The following NBEAL1 variants were observed in gnomAD, a reference collection of about 807,000 sequenced individuals.
The protein encoded by NBEAL1 is neurobeachin like 1.
In NBEAL1, 273 loss-of-function variants were observed where a neutral mutation model predicts 351.3. The ratio of observed to expected loss-of-function variants is 0.78; its 90% confidence interval spans 0.70 to 0.86. The LOEUF (loss-of-function observed/expected upper bound fraction) is 0.86. NBEAL1 is among the 40% of genes least tolerant of loss of function. The pLI is 0.00. For missense variants in NBEAL1, 2,961 were observed against 3,201.3 expected (o/e 0.92, Z 1.81); for synonymous variants, 1,050 against 1,086.4 (o/e 0.97, Z 0.66).
chr2:203,090,482 A>C (rs2062042098), intron 10 of NBEAL1, among the ~76,000 whole-genome samples: 2 of 152,106 alleles, frequency 1.3e-5, no homozygotes, highest in African/African-American at 4.8e-5. Context: ...GGTAAAGCTT[A>C]TTTTTTCATT....
chr2:203,076,666 A>G (rs2061780090), intron 7 of NBEAL1, among the ~76,000 whole-genome samples: 1 of 139,968 alleles, frequency 7.1e-6, no homozygotes, highest in African/African-American at 2.7e-5. Context: ...ATCTCAGCTC[A>G]CTGCAACCTC....
chr2:203,223,422 G>A lies in NBEAL1; in HGVS notation c.*6068G>A, dbSNP rs2065970678. Among the ~76,000 whole-genome samples the A allele has an allele frequency of 6.6e-6, 1 of 152,014 alleles. No individual in the cohort carries two copies. The highest frequency in any genetic ancestry group is 6.6e-5 in the Admixed American group (1 of 15,250). ...TTTTTCAAACTTGACTGTTAGTGGA[G>A]GGGTATATGTGTGTCTGTGTTTCCA... On this transcript the variant is annotated 3_prime_UTR_variant, in exon 56 of 56. Coordinates refer to ENST00000683969, the MANE Select transcript of NBEAL1 (RefSeq NM_001378026.1).
At chr2:203,145,587 G>A (rs1462351724) in intron 33 of NBEAL1, among the ~76,000 whole-genome samples, 1 of 152,012 alleles carries the variant, frequency 6.6e-6, no homozygotes, top group Non-Finnish European at 1.5e-5. Flanking sequence ...CACCTGAGAT[G>A]AGGAGTTCGA....
intron 55 of NBEAL1, among the ~76,000 whole-genome samples, chr2:203,214,749 TG>T (rs1453945785): frequency 1.3e-5 from 2 of 152,242 alleles, no homozygotes; most frequent in African/African-American, 4.8e-5. Flanking sequence ...CACTCCAGCC[TG>T]GGTGACAGAG....
intron 51 of NBEAL1, among the ~76,000 whole-genome samples, chr2:203,208,067 A>G (rs2065660849): frequency 1.3e-5 from 2 of 152,158 alleles, no homozygotes; most frequent in Admixed American, 6.5e-5. Context: ...GGATTACCTG[A>G]GTCCCAGAGT....
chr2:203,136,666 A>C lies in NBEAL1; in HGVS notation c.4457A>C (p.Glu1486Ala). 6.2e-7 allele frequency: 1 copy of C among 1,613,666 alleles called. No homozygotes were observed. Among genetic ancestry groups the C allele is most frequent in the Non-Finnish European group, 8.5e-7 (1 of 1,179,652 alleles). ...ILNYVMCKGL[E>A]KSDDDTWIER... ...AATTATGTAATGTGTAAGGGACTAG[A>C]AAAGTCTGATGATGATACTTGGATT... The change falls in exon 29 of 56, where the codon GAA becomes GCA. Residue 1486 changes from glutamate (E) to alanine (A), a missense_variant. Glu to Ala is a moderately radical substitution (Grantham distance 107, BLOSUM62 -1). Transcript: ENST00000683969.
chr2:203,088,567 A>G (rs1264296807), intron 10 of NBEAL1, among the ~76,000 whole-genome samples: 1 of 152,198 alleles, frequency 6.6e-6, no homozygotes, highest in Non-Finnish European at 1.5e-5. Flanking sequence ...AGCAGTAAAC[A>G]TGGAGTTATA....
chr2:203,151,386 T>C, intron 34 of NBEAL1, 79 bp from the exon 35 acceptor site: 2 of 1,087,560 alleles, frequency 1.8e-6, no homozygotes, highest in Non-Finnish European at 2.6e-6. Flanking sequence ...TACTTGATAC[T>C]TTTTTACATT....
Position 203,062,157 on chromosome 2 carries a change from G to T in NBEAL1, c.515+4704G>T. On this transcript the variant is annotated intron_variant, in intron 6 of 55. Transcript: ENST00000683969. This position sits in a 1 kb window ranked among gnomAD's most constrained non-coding sequence, Gnocchi z 4.2. ...GATTAAGATTTGAATTCTGGCTGAA[G>T]GTTTCTCCACCTTGACTATTTTGTT... 1 of 409,006 alleles carries T rather than the reference G, an allele frequency of 2.4e-6. No individual in the cohort carries two copies. Among genetic ancestry groups the T allele is most frequent in the Non-Finnish European group, 4.8e-6 (1 of 208,144 alleles). The allele number at this position is 409,006 out of a possible 1,614,324, so 25.3% of individuals were successfully genotyped here.
chr2:203,113,885 G>C (rs1007951456), intron 17 of NBEAL1, among the ~76,000 whole-genome samples: 1 of 147,416 alleles, frequency 6.8e-6, no homozygotes, highest in African/African-American at 2.5e-5. Flanking sequence ...GCAATGGCGC[G>C]ATCCCGGCTC....
At chr2:203,211,910 C>A (rs924736846) in intron 54 of NBEAL1, among the ~76,000 whole-genome samples, 1 of 151,832 alleles carries the variant, frequency 6.6e-6, no homozygotes, top group Non-Finnish European at 1.5e-5. Flanking sequence ...TTTTTTGAGA[C>A]CTAGTCTTGC....
intron 2 of NBEAL1, 30 bp downstream of exon 2, chr2:203,016,465 T>C: frequency 1.5e-6 from 2 of 1,340,724 alleles, no homozygotes; most frequent in Non-Finnish European, 1.0e-6. Flanking sequence ...TTTTTATGTT[T>C]TAAAATACTT....
At chr2:203,171,209 G>A (rs957465746) in intron 39 of NBEAL1, among the ~76,000 whole-genome samples, 2 of 152,142 alleles carry the variant, frequency 1.3e-5, no homozygotes, top group Admixed American at 6.5e-5. Flanking sequence ...AGTGAGCTGA[G>A]ATCACACCAT....
rs1231022045 is a variant in NBEAL1 at position 203,130,358 on chromosome 2, C to T, written c.3446C>T (p.Thr1149Ile). The T allele has an allele frequency of 1.3e-6, 2 of 1,533,544 alleles. No homozygotes were observed. The highest frequency in any genetic ancestry group is 2.5e-5 in the East Asian group (1 of 40,450). The allele number at this position is 1,533,544 out of a possible 1,614,324, so 95.0% of individuals were successfully genotyped here. A position where few individuals can be genotyped will look rare whatever the true frequency, so the allele number is the denominator to read the frequency against. ...ILDVLFSLLR[T>I]SPTRGQLFLL... ...GACGTGCTCTTCAGTCTCCTACGTA[C>T]CAGCCCAACCAGAGGTCAGCTTTTC... Residue 1149 changes from threonine to isoleucine, a missense_variant, in exon 25 of 56, where the codon ACC (threonine) becomes ATC (isoleucine). Physicochemically the swap from Thr to Ile is moderately conservative, Grantham distance 89. Coordinates refer to ENST00000683969, the MANE Select transcript of NBEAL1 (RefSeq NM_001378026.1).
chr2:203,043,182 A>G (rs2061170500), intron 3 of NBEAL1, among the ~76,000 whole-genome samples: 1 of 152,148 alleles, frequency 6.6e-6, no homozygotes, highest in Admixed American at 6.5e-5. Context: ...AAGTGTTTAG[A>G]TTTTTAGAAA....
At chr2:203,024,843 C>T (rs2060830236) in intron 2 of NBEAL1, among the ~76,000 whole-genome samples, 1 of 151,970 alleles carries the variant, frequency 6.6e-6, no homozygotes, top group Non-Finnish European at 1.5e-5. Context: ...GTCTGGGCAA[C>T]AGAGCGAGAC....
Position 203,057,412 on chromosome 2 carries a change from C to T in NBEAL1, c.474C>T (p.Ser158=). Residue 158 remains serine (S), a synonymous_variant, in exon 6 of 56, where the codon AGC becomes AGT. Coordinates refer to ENST00000683969, the MANE Select transcript of NBEAL1 (RefSeq NM_001378026.1). ...TCCACGCATTGGCATTTTGTGAAAGCTTATATGATCCATATCGGAATTGGA... is the reference window on the plus strand; with the variant it reads ...TCCACGCATTGGCATTTTGTGAAAGTTTATATGATCCATATCGGAATTGGA... The part of the protein sequence containing the change: ...FVIHALAFCE[S]LYDPYRNWRH... 1 of 1,552,460 alleles carries T rather than the reference C, an allele frequency of 6.4e-7. No individual in the cohort carries two copies. Among genetic ancestry groups the T allele is most frequent in the Non-Finnish European group, 8.7e-7 (1 of 1,146,458 alleles).
chr2:203,172,175 A>G (rs2064340703), intron 40 of NBEAL1, 152 bp downstream of exon 40: 2 of 430,492 alleles, frequency 4.6e-6, no homozygotes, highest in East Asian at 7.3e-5. Flanking sequence ...CAAAAAGTAT[A>G]TAAACATGAA....
chr2:203,092,691 A>G (rs1263149151), intron 10 of NBEAL1, among the ~76,000 whole-genome samples: 1 of 152,228 alleles, frequency 6.6e-6, no homozygotes, highest in Non-Finnish European at 1.5e-5. Context: ...TATTTGAGGT[A>G]TTCTTTTCAT....
Sources: allele counts gnomAD v4.1 joint callset (sites outside exome capture counted in the v4.1 genomes callset), GRCh38; gene constraint gnomAD v4.1.1; non-coding constraint Gnocchi (gnomAD v3.1); transcripts MANE v1.5; gene names NCBI Gene and HGNC (gene_info 2026-07-23, HGNC 2026-07-21).